RBFOX2: variants seen among roughly 807,000 people sequenced by gnomAD.
RBFOX2 encodes the protein RNA binding protein fox-1 homolog 2.
Under a neutral mutation model 49.1 loss-of-function variants are expected in RBFOX2, and 10 were observed. The observed-to-expected ratio is 0.20, with a 90% CI of 0.13 to 0.35. The LOEUF is 0.35. Among genes scored for constraint, RBFOX2 ranks in the 10% least tolerant of loss-of-function variants. The pLI is 1.00. For missense variants in RBFOX2, 323 were observed against 486.9 expected, an observed-to-expected ratio of 0.66 and a Z score of 3.17; for synonymous variants, 183 against 187.4, an observed-to-expected ratio of 0.98 and a Z score of 0.19.
intron 1 of RBFOX2, among the ~76,000 whole-genome samples, chr22:35,984,152 G>A (rs180767727): frequency 6.6e-6 from 1 of 152,104 alleles, no homozygotes; most frequent in East Asian, 1.9e-4. Flanking sequence ...TAGGCCAATG[G>A]TTCTCAACCT....
intron 1 of RBFOX2, among the ~76,000 whole-genome samples, chr22:35,952,263 C>T (rs2055031532): frequency 6.6e-6 from 1 of 152,136 alleles, no homozygotes; most frequent in Admixed American, 6.5e-5. Flanking sequence ...CCGCATGCAC[C>T]TTTTTTCTTT....
chr22:35,875,552 T>C (rs1431191560), intron 1 of RBFOX2, among the ~76,000 whole-genome samples: 1 of 151,302 alleles, frequency 6.6e-6, no homozygotes, highest in Non-Finnish European at 1.5e-5. Flanking sequence ...AACATATCCT[T>C]TACCCACTCC....
intron 1 of RBFOX2, among the ~76,000 whole-genome samples, chr22:35,889,807 G>C (rs1252187682): frequency 1.3e-5 from 2 of 152,142 alleles, no homozygotes; most frequent in Non-Finnish European, 2.9e-5. Context: ...AGAGCAATTA[G>C]AGTGGCAAAA....
chr22:36,014,357 G>A lies in RBFOX2; in HGVS notation c.186+13883C>T, dbSNP rs564465385. On this transcript the variant is annotated intron_variant, in intron 1 of 13. Coordinates refer to the RBFOX2 transcript ENST00000438146. ...GATCTCCTGACCTCGTGATCCGCCC[G>A]CCTCAGCCTCCCAAAGTGCTGGGAT... is the stretch of plus-strand genomic sequence containing the variant. Among the ~76,000 whole-genome samples the A allele has an allele frequency of 2.2e-3, 330 of 152,188 alleles. 1 individual carries two copies. The highest frequency in any genetic ancestry group is 3.8e-3 in the Non-Finnish European group (256 of 68,004).
chr22:36,017,508 A>G (rs1449231070), intron 1 of RBFOX2, among the ~76,000 whole-genome samples: 4 of 152,216 alleles, frequency 2.6e-5, no homozygotes, highest in Non-Finnish European at 5.9e-5. Flanking sequence ...AGCCTGGGCA[A>G]GAAGAGCAAA....
chr22:35,847,746 C>T (rs905146282), intron 1 of RBFOX2, among the ~76,000 whole-genome samples: 5 of 151,906 alleles, frequency 3.3e-5, no homozygotes, highest in East Asian at 1.9e-4. Context: ...TTCTAAACGA[C>T]GTTAATTTCA....
intron 1 of RBFOX2, among the ~76,000 whole-genome samples, chr22:35,820,938 G>A (rs1409442151): frequency 6.6e-6 from 1 of 152,212 alleles, no homozygotes; most frequent in East Asian, 1.9e-4. Context: ...AGACTGGGGG[G>A]CCTGAGCAAT....
intron 1 of RBFOX2, among the ~76,000 whole-genome samples, chr22:35,832,614 C>T (rs1957001912): frequency 1.3e-5 from 2 of 152,066 alleles, no homozygotes; most frequent in African/African-American, 4.8e-5. Context: ...AGGCAGATCA[C>T]TTGAGGTCAG....
At chr22:35,882,533 T>C (rs1187614457) in intron 1 of RBFOX2, among the ~76,000 whole-genome samples, 2 of 152,206 alleles carry the variant, frequency 1.3e-5, no homozygotes, top group Admixed American at 6.5e-5. Flanking sequence ...TTTAAATAAG[T>C]GGAAGAACAG....
At chr22:35,812,584 T>C (rs1952123415) in intron 1 of RBFOX2, among the ~76,000 whole-genome samples, 1 of 152,172 alleles carries the variant, frequency 6.6e-6, no homozygotes, top group South Asian at 2.1e-4. Flanking sequence ...GAAAAAGAAT[T>C]GAATTGGAAT....
chr22:35,985,946 AG>A (rs1569518868), intron 1 of RBFOX2, among the ~76,000 whole-genome samples: 26 of 140,540 alleles, frequency 1.9e-4, no homozygotes, highest in African/African-American at 7.0e-4. Flanking sequence ...ATAGATAGAT[AG>A]ATAGATAGAG....
At chr22:35,996,849 C>T (rs190055510) in intron 1 of RBFOX2, 414 of 152,226 alleles carry the variant, frequency 2.7e-3, no homozygotes, top group African/African-American at 9.4e-3. Context: ...ATTTGCACAG[C>T]TAGAGGGCAA....
At chr22:35,990,216 A>G (rs939432767) in intron 1 of RBFOX2, among the ~76,000 whole-genome samples, 9 of 152,140 alleles carry the variant, frequency 5.9e-5, no homozygotes, top group African/African-American at 2.2e-4. Flanking sequence ...ACACACAGAA[A>G]TACTACCAGG....
exon 10 of RBFOX2, chr22:35,746,504 CAGCGGTGGCTGCGGTTGCAGT>C: frequency 6.2e-7 from 1 of 1,609,938 alleles, no homozygotes; most frequent in African/African-American, 1.3e-5. Context: ...GCGGCTGCAG[CAGCGGTGGCTGCGGTTGCAGT>C]AGCAGGCTGT....
chr22:35,811,681 A>G (rs912815999), intron 1 of RBFOX2, among the ~76,000 whole-genome samples: 7 of 152,204 alleles, frequency 4.6e-5, no homozygotes, highest in South Asian at 2.1e-4. Context: ...TTTTCCTGCT[A>G]TTGGACATAA....
At chr22:35,871,558 T>C (rs777043467) in intron 1 of RBFOX2, among the ~76,000 whole-genome samples, 12 of 152,216 alleles carry the variant, frequency 7.9e-5, no homozygotes, top group Non-Finnish European at 1.3e-4. Context: ...CTTAAGAATA[T>C]ATCAGACTAG....
intron 1 of RBFOX2, among the ~76,000 whole-genome samples, chr22:35,850,188 T>TTA (rs1298867333): frequency 4.4e-5 from 4 of 90,156 alleles, no homozygotes; most frequent in Middle Eastern, 5.5e-3. Context: ...TCTGTCTCTC[T>TTA]CTCATACACA....
intron 1 of RBFOX2, among the ~76,000 whole-genome samples, chr22:35,862,275 G>T (rs1304438200): frequency 6.6e-6 from 1 of 150,648 alleles, no homozygotes; most frequent in East Asian, 2.0e-4. Flanking sequence ...GCAGTTCATT[G>T]TATATCAATT....
At chr22:35,981,747 C>T (rs2057466982) in intron 1 of RBFOX2, among the ~76,000 whole-genome samples, 1 of 151,904 alleles carries the variant, frequency 6.6e-6, no homozygotes, top group Admixed American at 6.6e-5. Flanking sequence ...TTGAATATAA[C>T]CATTTTTATG....
Sources: allele counts gnomAD v4.1 joint callset (sites outside exome capture counted in the v4.1 genomes callset), GRCh38; gene constraint gnomAD v4.1.1; transcripts MANE v1.5; gene names NCBI Gene and HGNC (gene_info 2026-07-23, HGNC 2026-07-21).